RELN: variants seen among roughly 807,000 people sequenced by gnomAD.
The protein encoded by RELN is reelin.
RELN carries 108 observed loss-of-function variants against 427.6 expected under a neutral mutation model. The observed-to-expected ratio is 0.25, with a 90% CI of 0.22 to 0.30. The LOEUF is 0.30. Ranked by LOEUF, RELN falls within the 10% of genes least tolerant of loss-of-function variation. The probability of loss-of-function intolerance (pLI) is 1.00; values close to 1 mark genes in which losing one functional copy is unlikely to be tolerated. For synonymous variants in RELN, 1,524 were observed against 1,513.4 expected (o/e 1.01, Z -0.16); for missense variants, 3,715 against 4,302.8 (o/e 0.86, Z 3.82).
intron 19 of RELN, 88 bp from the exon 20 acceptor site, chr7:103,630,264 T>C (rs1832423012): frequency 9.9e-6 from 9 of 909,876 alleles, no homozygotes; most frequent in South Asian, 2.8e-5. Context: ...CCCTGAAGTA[T>C]AGTATTAAAG....
At chr7:103,934,918 G>A (rs1364953670) in intron 1 of RELN, among the ~76,000 whole-genome samples, 1 of 152,190 alleles carries the variant, frequency 6.6e-6, no homozygotes, top group Non-Finnish European at 1.5e-5. Context: ...ACACAGGAGA[G>A]CACTTTAACC....
intron 3 of RELN, among the ~76,000 whole-genome samples, chr7:103,797,960 T>C (rs1457115919): frequency 6.6e-6 from 1 of 152,252 alleles, no homozygotes; most frequent in African/African-American, 2.4e-5. Flanking sequence ...TCATTAATTA[T>C]GGCAATAAGT....
At chr7:103,481,001 A>C (rs2116970138) in intron 63 of RELN, among the ~76,000 whole-genome samples, 1 of 152,294 alleles carries the variant, frequency 6.6e-6, no homozygotes, top group Non-Finnish European at 1.5e-5. Flanking sequence ...ACACCAGGTG[A>C]CCTGGGAGAC....
chr7:103,894,975 C>T (rs748175156), intron 2 of RELN, among the ~76,000 whole-genome samples: 6 of 152,096 alleles, frequency 3.9e-5, no homozygotes, highest in African/African-American at 7.2e-5. Context: ...GTAATCTTTA[C>T]ATAATGTGTA....
intron 2 of RELN, among the ~76,000 whole-genome samples, chr7:103,854,868 C>G (rs1455044457): frequency 6.6e-6 from 1 of 152,126 alleles, no homozygotes; most frequent in Non-Finnish European, 1.5e-5. Flanking sequence ...GCCCTGAGGG[C>G]TGAAGACAAT....
intron 63 of RELN, among the ~76,000 whole-genome samples, chr7:103,481,026 T>C (rs1299167686): frequency 1.3e-5 from 2 of 152,206 alleles, no homozygotes; most frequent in Non-Finnish European, 2.9e-5. Context: ...TTGGGTGCTG[T>C]GTGCTGAGGC....
intron 2 of RELN, among the ~76,000 whole-genome samples, chr7:103,885,013 A>T (rs910978041): frequency 6.6e-6 from 1 of 152,198 alleles, no homozygotes; most frequent in African/African-American, 2.4e-5. Flanking sequence ...TCACAATAGC[A>T]AAGACTTGGA....
In RELN at chr7:103,754,600, C is replaced by A. The variant is rs74898036; in HGVS notation, c.545-1386G>T. Among the ~76,000 whole-genome samples the A allele has an allele frequency of 2.2e-3, 285 of 129,918 alleles. 2 individuals carry two copies. In the East Asian group the frequency reaches 0.022, roughly 10 times the overall value. The allele number at this position is 129,918 out of a possible 152,430, so 85.2% of individuals were successfully genotyped here. On this transcript the variant is annotated intron_variant, in intron 4 of 64. Transcript: ENST00000428762. Reference sequence around the variant, plus strand: ...CCAGCCTGAGCAATATAGTAGGAGACCTCGTCTCTAAAAAAAACATTAAAA... The same window carrying A: ...CCAGCCTGAGCAATATAGTAGGAGAACTCGTCTCTAAAAAAAACATTAAAA...
chr7:103,660,563 C>T (rs527696098), intron 12 of RELN, among the ~76,000 whole-genome samples: 14 of 152,244 alleles, frequency 9.2e-5, no homozygotes, highest in African/African-American at 2.2e-4. Flanking sequence ...AGAAATAAAT[C>T]GTCAATGCTG....
intron 50 of RELN, among the ~76,000 whole-genome samples, chr7:103,512,036 T>C (rs1479234261): frequency 6.6e-6 from 1 of 152,160 alleles, no homozygotes; most frequent in Non-Finnish European, 1.5e-5. Flanking sequence ...AAGAGACATA[T>C]CCTCTTAACA....
intron 64 of RELN, among the ~76,000 whole-genome samples, chr7:103,477,953 A>T (rs1188903975): frequency 2.0e-5 from 3 of 152,210 alleles, no homozygotes; most frequent in African/African-American, 7.2e-5. Flanking sequence ...CATCTTCAGC[A>T]TAGTAGGTCT....
intron 3 of RELN, among the ~76,000 whole-genome samples, chr7:103,828,992 C>A (rs1793210958): frequency 6.6e-6 from 1 of 151,870 alleles, no homozygotes; most frequent in East Asian, 1.9e-4. Flanking sequence ...TGCTTTGAAA[C>A]CAGACTGCCT....
intron 11 of RELN, among the ~76,000 whole-genome samples, chr7:103,670,736 T>A (rs1833373198): frequency 6.6e-6 from 1 of 152,056 alleles, no homozygotes; most frequent in Admixed American, 6.6e-5. Context: ...AAAATTTAAA[T>A]TATCTCATTA....
chr7:103,618,338 C>G (rs2117306483), intron 20 of RELN, among the ~76,000 whole-genome samples: 1 of 152,338 alleles, frequency 6.6e-6, no homozygotes, highest in Non-Finnish European at 1.5e-5. Context: ...GGGCTTCTCC[C>G]TCTGATAGCA....
chr7:103,890,470 C>T (rs983454001), intron 2 of RELN, among the ~76,000 whole-genome samples: 1 of 152,132 alleles, frequency 6.6e-6, no homozygotes, highest in Non-Finnish European at 1.5e-5. Context: ...AGCACAAACC[C>T]TATTGTGAAC....
intron 3 of RELN, among the ~76,000 whole-genome samples, chr7:103,776,990 T>C (rs1047834032): frequency 6.6e-6 from 1 of 152,204 alleles, no homozygotes; most frequent in Non-Finnish European, 1.5e-5. Flanking sequence ...ATATTAGTAC[T>C]GGAGAAAGAG....
chr7:103,618,097 C>T (rs563582042), intron 20 of RELN, among the ~76,000 whole-genome samples: 92 of 152,292 alleles, frequency 6.0e-4, no homozygotes, highest in African/African-American at 2.1e-3. Context: ...TACCCAGCCT[C>T]GGGTAATCTT....
At chr7:103,576,652 T>C (rs186358090) in intron 28 of RELN, among the ~76,000 whole-genome samples, 4 of 152,352 alleles carry the variant, frequency 2.6e-5, no homozygotes, top group East Asian at 1.9e-4. Context: ...CTATTTGCTA[T>C]TGACATGCTT....
intron 2 of RELN, among the ~76,000 whole-genome samples, chr7:103,843,222 G>A (rs902590255): frequency 1.3e-4 from 19 of 150,910 alleles, no homozygotes; most frequent in Non-Finnish European, 2.8e-4. Context: ...TTTTTTTTTA[G>A]GAGACAGGGT....
Sources: allele counts gnomAD v4.1 joint callset (sites outside exome capture counted in the v4.1 genomes callset), GRCh38; gene constraint gnomAD v4.1.1; transcripts MANE v1.5; gene names NCBI Gene and HGNC (gene_info 2026-07-23, HGNC 2026-07-21).